ALG9: variants seen among roughly 807,000 people sequenced by gnomAD.
ALG9 encodes ALG9 alpha-1,2-mannosyltransferase.
A neutral mutation model predicts 81.8 loss-of-function variants in ALG9; 55 were observed. That is an observed-to-expected ratio of 0.67 (90% confidence interval 0.54 to 0.84). The LOEUF (loss-of-function observed/expected upper bound fraction) is 0.84. Ranked by LOEUF, ALG9 falls within the 40% of genes least tolerant of loss-of-function variation. The pLI is 0.00. For synonymous variants in ALG9, 278 were observed against 274.3 expected, an observed-to-expected ratio of 1.01 and a Z score of -0.13; for missense variants, 629 against 745.0, an observed-to-expected ratio of 0.84 and a Z score of 1.81.
chr11:111,844,479 G>A, intron 9 of ALG9, 122 bp downstream of exon 9: 1 of 1,444,636 alleles, frequency 6.9e-7, no homozygotes, highest in Non-Finnish European at 9.7e-7. Context: ...AATTCAGTAA[G>A]CCAACCATTT....
At position 111,837,587 on chromosome 11, in the gene ALG9, T is replaced by A; in HGVS notation, c.1353A>T (p.Pro451=). 6.2e-7 allele frequency: 1 copy of A among 1,614,164 alleles called. No homozygotes were observed. Among genetic ancestry groups the A allele is most frequent in the South Asian group, 1.1e-5 (1 of 91,084 alleles). The part of the protein sequence containing the change: ...RGYHGPLDLY[P]EFYRIATDPT... Reference sequence around the variant, plus strand: ...GGTCTGTAGCAATTCGGTAAAATTCTGGATACAAATCAAGGGGCCCGTGAT... The same window carrying A: ...GGTCTGTAGCAATTCGGTAAAATTCAGGATACAAATCAAGGGGCCCGTGAT... Residue 451 remains proline, a synonymous_variant, in exon 12 of 15, where the codon CCA becomes CCT. Coordinates refer to ENST00000616540, the MANE Select transcript of ALG9 (RefSeq NM_024740.2).
intron 2 of ALG9, among the ~76,000 whole-genome samples, 175 bp downstream of exon 2, chr11:111,870,057 C>T (rs941524304): frequency 1.3e-5 from 2 of 151,756 alleles, no homozygotes; most frequent in South Asian, 4.1e-4. Context: ...GGCAATTCAC[C>T]GGCCTCAGCC....
At chr11:111,865,297 T>C (rs372470790) in intron 3 of ALG9, 46 bp from the exon 4 acceptor site, 335 of 1,429,098 alleles carry the variant, frequency 2.3e-4, no homozygotes, top group Non-Finnish European at 3.0e-4. Context: ...AGATATGAGC[T>C]AGAAAAACTC....
chr11:111,842,675 C>T (rs781820482), intron 9 of ALG9, among the ~76,000 whole-genome samples: 2 of 150,636 alleles, frequency 1.3e-5, no homozygotes, highest in Admixed American at 6.6e-5. Flanking sequence ...CCTCCCACCT[C>T]GTGCTCCCAA....
At chr11:111,813,776 G>A (rs1565788521) in intron 13 of ALG9, among the ~76,000 whole-genome samples, 1 of 152,090 alleles carries the variant, frequency 6.6e-6, no homozygotes, top group African/African-American at 2.4e-5. Flanking sequence ...ACCAGCAAAT[G>A]CAAATGAAAA....
At chr11:111,855,155 C>T (rs782178168) in intron 6 of ALG9, among the ~76,000 whole-genome samples, 9 of 152,260 alleles carry the variant, frequency 5.9e-5, no homozygotes, top group Admixed American at 1.3e-4. Context: ...AAGGATCTGA[C>T]GGTATATATT....
chr11:111,790,024 A>G (rs1260068795), intron 14 of ALG9, among the ~76,000 whole-genome samples: 1 of 152,118 alleles, frequency 6.6e-6, no homozygotes, highest in Non-Finnish European at 1.5e-5. Flanking sequence ...AGAGAAAAAA[A>G]AAGAATAATA....
rs1166223682 is a variant in ALG9, at chr11:111,786,347, G to A, written c.*50C>T. On this transcript the variant is annotated 3_prime_UTR_variant, in exon 15 of 15. Coordinates refer to ENST00000616540, the MANE Select transcript of ALG9 (RefSeq NM_024740.2). ...ATGACTTGCAGGGAGTCAGGTCACT[G>A]GAATCAATAGTTAACAAGATGGTTG... The A allele has an allele frequency of 4.3e-6, 7 of 1,611,824 alleles. No individual in the cohort carries two copies. The highest frequency in any genetic ancestry group is 4.0e-5 in the African/African-American group (3 of 74,858).
At chr11:111,841,483 A>T (rs1422490177) in intron 9 of ALG9, among the ~76,000 whole-genome samples, 3 of 152,242 alleles carry the variant, frequency 2.0e-5, no homozygotes, top group Admixed American at 6.5e-5. Flanking sequence ...GAATTAAAGG[A>T]ATGTAATGAA....
At chr11:111,795,430 C>T (rs1223456238) in intron 14 of ALG9, among the ~76,000 whole-genome samples, 1 of 152,026 alleles carries the variant, frequency 6.6e-6, no homozygotes, top group Non-Finnish European at 1.5e-5. Flanking sequence ...TGCAAGGGGG[C>T]ATGGAAGGCG....
At chr11:111,857,404 C>T (rs1958876057) in intron 6 of ALG9, among the ~76,000 whole-genome samples, 198 bp downstream of exon 6, 1 of 152,198 alleles carries the variant, frequency 6.6e-6, no homozygotes, top group East Asian at 1.9e-4. Context: ...TAACACATAG[C>T]AGATGCTCAA....
intron 14 of ALG9, among the ~76,000 whole-genome samples, chr11:111,806,597 G>C (rs1949967383): frequency 6.6e-6 from 1 of 152,110 alleles, no homozygotes; most frequent in Non-Finnish European, 1.5e-5. Flanking sequence ...ACACACTGGA[G>C]TTTCCCTGGC....
intron 10 of ALG9, among the ~76,000 whole-genome samples, chr11:111,838,812 A>G (rs573150159): frequency 7.2e-5 from 11 of 152,326 alleles, no homozygotes; most frequent in African/African-American, 2.4e-4. Flanking sequence ...TCATGACCAA[A>G]TAAGAAAAAA....
In ALG9 at chr11:111,820,617, C is replaced by T. The variant is rs782329891; in HGVS notation, c.1603-10844G>A. On this transcript the variant is annotated intron_variant, in intron 13 of 14. Coordinates refer to ENST00000616540, the MANE Select transcript of ALG9 (RefSeq NM_024740.2). ...ATACATGAACTTTGGGGGACACAAA[C>T]CATAGCATTAACTCAAATTCCCAAT... Among the ~76,000 whole-genome samples, 8 of 152,292 alleles carry T rather than the reference C, an allele frequency of 5.3e-5. No individual in the cohort carries two copies. The South Asian group carries it at 1.0e-3, about 20-fold the overall frequency.
intron 1 of ALG9, 105 bp from the exon 2 acceptor site, chr11:111,870,475 T>A (rs1963983156): frequency 7.4e-7 from 1 of 1,351,180 alleles, no homozygotes; most frequent in Admixed American, 3.3e-5. Flanking sequence ...GCAAGGGACA[T>A]CAAAGCACTT....
At chr11:111,870,505 G>A (rs1555157545) in intron 1 of ALG9, 135 bp from the exon 2 acceptor site, 1 of 1,186,646 alleles carries the variant, frequency 8.4e-7, no homozygotes, top group African/African-American at 1.6e-5. Flanking sequence ...ACCTAAAAAG[G>A]TGAATAGCTA....
chr11:111,793,142 C>T (rs977108773), intron 14 of ALG9, among the ~76,000 whole-genome samples: 2 of 152,076 alleles, frequency 1.3e-5, no homozygotes, highest in African/African-American at 4.8e-5. Flanking sequence ...GCCACCATTC[C>T]CAGCTAATTT....
the ALG9 span, chr11:111,770,983 A>G: frequency 6.6e-6 from 1 of 152,282 alleles, no homozygotes; most frequent in South Asian, 2.1e-4. Context: ...ACCCACATGC[A>G]GTTCACTCAT....
chr11:111,772,696 C>T, the ALG9 span, among the ~76,000 whole-genome samples: 1 of 152,104 alleles, frequency 6.6e-6, no homozygotes, highest in Non-Finnish European at 1.5e-5. Flanking sequence ...CAAATACTAT[C>T]CATTAACAGT....
Sources: gnomAD v4.1 joint callset for allele counts (sites outside exome capture counted in the v4.1 genomes callset) on GRCh38, gnomAD v4.1.1 for gene constraint, MANE v1.5 for transcripts, NCBI Gene and HGNC (gene_info 2026-07-23, HGNC 2026-07-21) for gene names.